Variants in GASK1B observed in about 807,000 individuals in gnomAD.
GASK1B encodes the protein golgi associated kinase 1B, also known as Golgi-associated kinase 1B.
A neutral mutation model predicts 42.8 loss-of-function variants in GASK1B; 34 were observed. That is an observed-to-expected ratio of 0.79 (90% CI 0.60 to 1.06). The LOEUF is 1.06. Among genes scored for constraint, GASK1B ranks in the 50% least tolerant of loss-of-function variants. The pLI is 0.00. For missense variants in GASK1B, 686 were observed against 661.0 expected (o/e 1.04, Z -0.42); for synonymous variants, 262 against 259.1 (o/e 1.01, Z -0.11).
chr4:158,139,890 C>T (rs1731047867), intron 3 of GASK1B, among the ~76,000 whole-genome samples: 2 of 152,104 alleles, frequency 1.3e-5, no homozygotes, highest in Non-Finnish European at 2.9e-5. Flanking sequence ...GGGATACAGT[C>T]GATGTGCTTT....
intron 3 of GASK1B, among the ~76,000 whole-genome samples, chr4:158,137,242 A>G (rs1730930577): frequency 1.3e-5 from 2 of 151,842 alleles, no homozygotes; most frequent in Non-Finnish European, 2.9e-5. Context: ...TTCAATAAAT[A>G]CATACTAGGC....
chr4:158,170,043 G>C (rs1003748998), intron 2 of GASK1B: 1 of 599,362 alleles, frequency 1.7e-6, no homozygotes, highest in Admixed American at 3.1e-5. Context: ...ACGATAACCC[G>C]CTTCCCCCTT....
Position 158,127,351 on chromosome 4 carries a change from A to G in GASK1B, c.*56T>C. ...CTTGAGGTTGATGTGCTTGATTTAAAAACAAAACCAAAAATGCATAAATAT... is the reference window on the plus strand; with the variant it reads ...CTTGAGGTTGATGTGCTTGATTTAAGAACAAAACCAAAAATGCATAAATAT... On this transcript the variant is annotated 3_prime_UTR_variant, in exon 5 of 5. Transcript: ENST00000585682. 2 of 1,513,634 alleles carry G rather than the reference A, an allele frequency of 1.3e-6. 1 individual carries two copies. The highest frequency in any genetic ancestry group is 3.9e-4 in the Middle Eastern group (2 of 5,174). 93.8% of individuals were successfully genotyped at this position (1,513,634 alleles called of 1,614,324 possible).
chr4:158,164,874 G>A (rs1732165572), intron 2 of GASK1B, among the ~76,000 whole-genome samples: 1 of 152,214 alleles, frequency 6.6e-6, no homozygotes, highest in Non-Finnish European at 1.5e-5. Context: ...CTTGAAAAGA[G>A]AGTGAAAAAC....
chr4:158,169,694 T>C (rs1732379572), intron 2 of GASK1B: 1 of 153,286 alleles, frequency 6.5e-6, no homozygotes, highest in African/African-American at 2.4e-5. Context: ...AGCCCTGGAA[T>C]AGCTTTAATA....
chr4:158,154,215 T>C lies in GASK1B; in HGVS notation c.1125+1396A>G, dbSNP rs186238105. On this transcript the variant is annotated intron_variant, in intron 3 of 4. Transcript: ENST00000585682. ...CCCATCAAAAAGTGGGCTAAGGACA[T>C]GAATAGATAATTCTCATAAGATATA... Among the ~76,000 whole-genome samples the C allele has an allele frequency of 2.6e-3, 382 of 147,302 alleles. 2 individuals carry two copies. Among genetic ancestry groups the C allele is most frequent in the Non-Finnish European group, 3.9e-3 (264 of 67,084 alleles).
intron 3 of GASK1B, among the ~76,000 whole-genome samples, chr4:158,148,607 A>G (rs1042398186): frequency 1.3e-5 from 2 of 152,220 alleles, no homozygotes; most frequent in Non-Finnish European, 2.9e-5. Flanking sequence ...TGCTTTAGCC[A>G]TAGCTAAAAT....
At position 158,130,870 on chromosome 4, in the gene GASK1B, C is replaced by T. The variant is rs750784875; in HGVS notation, c.1268G>A (p.Arg423Lys). ...AHIIQRKHDP[R>K]HLVFIDNKGF... is the part of the protein sequence containing the mutation. ...CTTGTTGTCTATAAAAACCAAATGC[C>T]TTGGGTCATGCTTTCGCTGGATAAT... The change falls in exon 4 of 5, where the codon AGG becomes AAG. Residue 423 changes from arginine to lysine, a missense_variant. By Grantham distance (26) the Arg-to-Lys change is conservative. Transcript: ENST00000585682. 2 of 1,614,052 alleles carry T rather than the reference C, an allele frequency of 1.2e-6. No individual in the cohort carries two copies.
chr4:158,139,361 C>A (rs1731030541), intron 3 of GASK1B, among the ~76,000 whole-genome samples: 1 of 152,196 alleles, frequency 6.6e-6, no homozygotes, highest in Admixed American at 6.5e-5. Context: ...TCAGCTCACT[C>A]ATTGAAACAG....
chr4:158,147,942 G>A (rs753276846), intron 3 of GASK1B, among the ~76,000 whole-genome samples: 4 of 152,190 alleles, frequency 2.6e-5, no homozygotes, highest in Non-Finnish European at 4.4e-5. Context: ...AATAGAGGCT[G>A]GGTGTGGTGG....
chr4:158,124,691 AATG>A lies in GASK1B; in HGVS notation c.*2713_*2715del, dbSNP rs1730385560. 1 of 152,022 alleles carries A rather than the reference AATG, an allele frequency of 6.6e-6. No homozygotes were observed. Among genetic ancestry groups the A allele is most frequent in the African/African-American group, 2.4e-5 (1 of 41,412 alleles). 9.4% of individuals were successfully genotyped at this position (152,022 alleles called of 1,614,324 possible). A position where few individuals can be genotyped will look rare whatever the true frequency, so the allele number is the denominator to read the frequency against. ...TTACAAGTCCAAAGATTACAAATAT[AATG>A]ATGATATCAAATATATGCACACACA... On this transcript the variant is annotated 3_prime_UTR_variant, in exon 5 of 5. Coordinates refer to ENST00000585682, the MANE Select transcript of GASK1B (RefSeq NM_001128424.2).
intron 2 of GASK1B, among the ~76,000 whole-genome samples, chr4:158,160,166 G>A (rs1193395480): frequency 1.3e-5 from 2 of 152,166 alleles, no homozygotes; most frequent in Admixed American, 1.3e-4. Flanking sequence ...TCAAACTTGA[G>A]TGGCATCTTT....
At position 158,127,294 on chromosome 4, in the gene GASK1B, T is replaced by C; in HGVS notation, c.*113A>G. 1 of 811,688 alleles carries C rather than the reference T, an allele frequency of 1.2e-6. No homozygotes were observed. The highest frequency in any genetic ancestry group is 2.3e-5 in the Admixed American group (1 of 43,462). The allele number at this position is 811,688 out of a possible 1,614,324, so 50.3% of individuals were successfully genotyped here. A position where few individuals can be genotyped will look rare whatever the true frequency, so the allele number is the denominator to read the frequency against. On this transcript the variant is annotated 3_prime_UTR_variant, in exon 5 of 5. Coordinates refer to ENST00000585682, the MANE Select transcript of GASK1B (RefSeq NM_001128424.2). Reference sequence around the variant, plus strand: ...CTTGGTTAAAGTCATTTATTTTACGTATTCATCTACACTGCCTCATTGCTA... The same window carrying C: ...CTTGGTTAAAGTCATTTATTTTACGCATTCATCTACACTGCCTCATTGCTA...
At chr4:158,143,661 C>T (rs945812522) in intron 3 of GASK1B, among the ~76,000 whole-genome samples, 11 of 152,010 alleles carry the variant, frequency 7.2e-5, no homozygotes, top group African/African-American at 2.7e-4. Context: ...AAAGAGGACA[C>T]AAAAATCTCA....
chr4:158,138,493 A>G (rs1400298209), intron 3 of GASK1B, among the ~76,000 whole-genome samples: 2 of 152,208 alleles, frequency 1.3e-5, no homozygotes, highest in Non-Finnish European at 2.9e-5. Flanking sequence ...GTAAAGCACC[A>G]CTATTTGGAA....
intron 3 of GASK1B, among the ~76,000 whole-genome samples, chr4:158,133,762 T>C (rs1730772302): frequency 6.6e-6 from 1 of 152,238 alleles, no homozygotes; most frequent in Non-Finnish European, 1.5e-5. Flanking sequence ...ACCACCTCCC[T>C]GACAGACTGT....
chr4:158,142,822 C>T (rs762852121), intron 3 of GASK1B, among the ~76,000 whole-genome samples: 4 of 152,110 alleles, frequency 2.6e-5, no homozygotes, highest in Admixed American at 6.5e-5. Context: ...AGAAAGGCAC[C>T]ACAAAAGTGT....
intron 2 of GASK1B, among the ~76,000 whole-genome samples, chr4:158,163,865 G>GT (rs1333577101): frequency 6.6e-6 from 1 of 152,146 alleles, no homozygotes; most frequent in Non-Finnish European, 1.5e-5. Flanking sequence ...CTTTTCCCTA[G>GT]TATCCGGGGC....
At chr4:158,141,288 CAT>C (rs1220368247) in intron 3 of GASK1B, among the ~76,000 whole-genome samples, 1 of 151,880 alleles carries the variant, frequency 6.6e-6, no homozygotes, top group African/African-American at 2.4e-5. Context: ...TGTACCAGCA[CAT>C]GTTATAATGA....
Sources: gnomAD v4.1 joint callset for allele counts (sites outside exome capture counted in the v4.1 genomes callset) on GRCh38, gnomAD v4.1.1 for gene constraint, MANE v1.5 for transcripts, NCBI Gene and HGNC (gene_info 2026-07-23, HGNC 2026-07-21) for gene names.